The following ABL1 variants were observed in gnomAD, a reference collection of about 807,000 sequenced individuals.
ABL1 encodes the protein ABL proto-oncogene 1, non-receptor tyrosine kinase, also known as tyrosine-protein kinase ABL1.
Under a neutral mutation model 94.7 loss-of-function variants are expected in ABL1, and 11 were observed. That is an observed-to-expected ratio of 0.12 (90% CI 0.07 to 0.19). ABL1 has a LOEUF of 0.19. Among genes scored for constraint, ABL1 ranks in the 10% least tolerant of loss-of-function variants. The pLI, the probability that ABL1 is intolerant of heterozygous loss-of-function variation, is 1.00. For synonymous variants in ABL1, 656 were observed against 622.4 expected (o/e 1.05, Z -0.80); for missense variants, 1,082 against 1,489.4 (o/e 0.73, Z 4.50).
chr9:130,862,693 A>C lies in ABL1; in HGVS notation c.550-70A>C. The C allele has an allele frequency of 6.4e-7, 1 of 1,553,220 alleles. No homozygotes were observed. The highest frequency in any genetic ancestry group is 8.7e-7 in the Non-Finnish European group (1 of 1,149,376). On this transcript the variant is annotated intron_variant, in intron 3 of 10. Transcript: ENST00000318560. This position sits in a 1 kb window ranked among gnomAD's most constrained non-coding sequence, Gnocchi z 5.5. ...TGTGTAGTGAATTAAGGCTCAGCCAAACTGGCTCACGTGAGCTCTTTGAGC... is the reference window on the plus strand; with the variant it reads ...TGTGTAGTGAATTAAGGCTCAGCCACACTGGCTCACGTGAGCTCTTTGAGC...
intron 1 of ABL1, among the ~76,000 whole-genome samples, chr9:130,733,806 G>A (rs1220153432): frequency 6.6e-6 from 1 of 151,978 alleles, no homozygotes. Flanking sequence ...TAGCCAGGAT[G>A]GTCTCGATCT....
At chr9:130,756,020 T>G (rs763995362) in intron 1 of ABL1, among the ~76,000 whole-genome samples, 4 of 152,114 alleles carry the variant, frequency 2.6e-5, no homozygotes, top group Non-Finnish European at 5.9e-5. Flanking sequence ...AAAAATGACT[T>G]GATAGCATAG....
chr9:130,881,624 C>T (rs1001889980), intron 10 of ABL1, among the ~76,000 whole-genome samples: 2 of 152,124 alleles, frequency 1.3e-5, no homozygotes, highest in African/African-American at 2.4e-5. Context: ...ACCGTTGACA[C>T]GTGGGGCTTA....
In ABL1 at chr9:130,862,346, GA is replaced by G. The variant is rs1240775696; in HGVS notation, c.550-416del. Among the ~76,000 whole-genome samples, 7 of 152,228 alleles carry G rather than the reference GA, an allele frequency of 4.6e-5. No individual in the cohort carries two copies. Among genetic ancestry groups the G allele is most frequent in the Non-Finnish European group, 8.8e-5 (6 of 68,044 alleles). ...ATTAAGCAGATAAACAGGAAATTATGAGCTAGTAGTGGGTCCATTGCTGAGA... is the reference window on the plus strand; with the variant it reads ...ATTAAGCAGATAAACAGGAAATTATGGCTAGTAGTGGGTCCATTGCTGAGA... On this transcript the variant is annotated intron_variant, in intron 3 of 10. Transcript: ENST00000318560. The surrounding 1 kb of genome is among the most constrained non-coding windows in gnomAD (Gnocchi z 5.5).
At chr9:130,838,205 G>A (rs1049893970) in intron 1 of ABL1, among the ~76,000 whole-genome samples, 1 of 152,190 alleles carries the variant, frequency 6.6e-6, no homozygotes, top group Non-Finnish European at 1.5e-5. Context: ...GTGAGTGGGG[G>A]TACTGGAATT....
chr9:130,838,176 G>T (rs1002251416), intron 1 of ABL1, among the ~76,000 whole-genome samples: 28 of 152,184 alleles, frequency 1.8e-4, no homozygotes, highest in African/African-American at 6.8e-4. Context: ...TAGGTAACTT[G>T]TCTAGGGTCA....
chr9:130,737,297 T>G (rs1831755845), intron 1 of ABL1, among the ~76,000 whole-genome samples: 1 of 152,190 alleles, frequency 6.6e-6, no homozygotes, highest in Non-Finnish European at 1.5e-5. Flanking sequence ...AGATGAAGTC[T>G]CACTCTGTCT....
rs2133035714 is a variant in ABL1, at chr9:130,884,358, T to A, written c.2068T>A (p.Ser690Thr). Residue 690 changes from serine to threonine, a missense_variant, in exon 11 of 11, where the codon TCC becomes ACC. Ser to Thr is a moderately conservative substitution (Grantham distance 58). Around this residue, in one of 7 missense-constraint regions of ABL1, gnomAD observed 780 missense variants for 835.8 expected, o/e 0.93. Coordinates refer to ENST00000318560, the MANE Select transcript of ABL1 (RefSeq NM_005157.6). This position sits in a 1 kb window ranked among gnomAD's most constrained non-coding sequence, Gnocchi z 5.6. ...CCGGTCTCCCCACCTGTGGAAGAAG[T>A]CCAGCACGCTGACCAGCAGCCGCCT... ...GFRSPHLWKK[S>T]STLTSSRLAT... 1 of 1,611,954 alleles carries A rather than the reference T, an allele frequency of 6.2e-7. No individual in the cohort carries two copies. Among genetic ancestry groups the A allele is most frequent in the Non-Finnish European group, 8.5e-7 (1 of 1,179,744 alleles).
At chr9:130,864,761 G>T (rs1831128567) in intron 4 of ABL1, among the ~76,000 whole-genome samples, 2 of 152,134 alleles carry the variant, frequency 1.3e-5, no homozygotes, top group South Asian at 4.1e-4. Context: ...CTGTGCAGGT[G>T]CCCCAGCTCC....
At chr9:130,828,711 CA>C (rs987267644) in intron 1 of ABL1, among the ~76,000 whole-genome samples, 1 of 147,560 alleles carries the variant, frequency 6.8e-6, no homozygotes, top group Non-Finnish European at 1.5e-5. Flanking sequence ...AACTGCGTCT[CA>C]AAAAAAAAGA....
At chr9:130,713,635 A>T (rs7875972) in exon 1 of ABL1, among the ~76,000 whole-genome samples, 6,004 of 152,180 alleles carry the variant, frequency 0.039, 181 homozygotes, top group African/African-American at 0.09. Context: ...AATGTCACCT[A>T]CGGCCCCCTT....
intron 1 of ABL1, among the ~76,000 whole-genome samples, chr9:130,720,650 C>G (rs1158828591): frequency 6.6e-6 from 1 of 152,170 alleles, no homozygotes; most frequent in Non-Finnish European, 1.5e-5. Flanking sequence ...GGGGACTATA[C>G]TATCTGATGT....
intron 1 of ABL1, among the ~76,000 whole-genome samples, chr9:130,733,399 T>G (rs574558153): frequency 2.0e-5 from 3 of 152,196 alleles, no homozygotes; most frequent in Admixed American, 2.0e-4. Context: ...CATCCTAGGT[T>G]GCAAAGAATA....
Position 130,862,141 on chromosome 9 carries a change from G to A in ABL1, c.550-622G>A, listed in dbSNP as rs1302404928. Among the ~76,000 whole-genome samples the A allele has an allele frequency of 6.6e-6, 1 of 152,198 alleles. No individual in the cohort carries two copies. Among genetic ancestry groups the A allele is most frequent in the Non-Finnish European group, 1.5e-5 (1 of 68,056 alleles). ...ATCCCCTTTAAATTATAAATTAAATGAATTCTTCGCTTTTCCTACCAGCAA... is the reference window on the plus strand; with the variant it reads ...ATCCCCTTTAAATTATAAATTAAATAAATTCTTCGCTTTTCCTACCAGCAA... On this transcript the variant is annotated intron_variant, in intron 3 of 10. Coordinates refer to ENST00000318560, the MANE Select transcript of ABL1 (RefSeq NM_005157.6). This position sits in a 1 kb window ranked among gnomAD's most constrained non-coding sequence, Gnocchi z 5.5.
At position 130,878,522 on chromosome 9, in the gene ABL1, CGCCCAGAAGGCT is replaced by C; in HGVS notation, c.1386_1397del (p.Gly463_Glu466del). ...GCTAGAGAAGGACTACCGCATGGAG[CGCCCAGAAGGCT>C]GCCCAGAGAAGGTCTATGAACTCAT... On this transcript the variant is annotated inframe_deletion, in exon 8 of 11. Transcript: ENST00000318560. The C allele has an allele frequency of 6.2e-7, 1 of 1,614,200 alleles. No individual in the cohort carries two copies. The highest frequency in any genetic ancestry group is 8.5e-7 in the Non-Finnish European group (1 of 1,180,040).
At chr9:130,721,812 G>GTTTTTTTTTTTTTTTTTTTTTTTT (rs368491783) in intron 1 of ABL1, among the ~76,000 whole-genome samples, 1 of 133,242 alleles carries the variant, frequency 7.5e-6, no homozygotes. Context: ...AATTTGTCAG[G>GTTTTTTTTTTTTTTTTTTTTTTTT]TTTTTTTTTG....
chr9:130,758,229 T>G (rs1433248406), intron 1 of ABL1, among the ~76,000 whole-genome samples: 1 of 151,768 alleles, frequency 6.6e-6, no homozygotes, highest in Non-Finnish European at 1.5e-5. Context: ...GGTGCGATCT[T>G]GGCTCACTGC....
chr9:130,867,814 C>T (rs1831180898), intron 4 of ABL1, among the ~76,000 whole-genome samples: 10 of 152,192 alleles, frequency 6.6e-5, no homozygotes, highest in Admixed American at 6.5e-4. Context: ...TCTCCTCTGG[C>T]CAGGGAGATG....
rs1263326640 is a variant in ABL1 at position 130,863,404 on chromosome 9, TCTGAG to T, written c.822+370_822+374del. Among the ~76,000 whole-genome samples, 3 of 152,240 alleles carry T rather than the reference TCTGAG, an allele frequency of 2.0e-5. No homozygotes were observed. The South Asian group carries it at 6.2e-4, about 32-fold the overall frequency. The stretch of plus-strand genomic sequence containing the variant: ...GAGAGTTAAGGAGGAAAAAAAGATC[TCTGAG>T]TTTTGAAAGAAGATTTAACCAAAAT... On this transcript the variant is annotated intron_variant, in intron 4 of 10. Coordinates refer to ENST00000318560, the MANE Select transcript of ABL1 (RefSeq NM_005157.6). This position sits in a 1 kb window ranked among gnomAD's most constrained non-coding sequence, Gnocchi z 4.3.
Sources: allele counts gnomAD v4.1 joint callset (sites outside exome capture counted in the v4.1 genomes callset), GRCh38; gene constraint gnomAD v4.1.1; regional missense constraint gnomAD v4.1.1; non-coding constraint Gnocchi (gnomAD v3.1); transcripts MANE v1.5; gene names NCBI Gene and HGNC (gene_info 2026-07-23, HGNC 2026-07-21).